Variants in GOSR1 observed in about 807,000 individuals in gnomAD.
GOSR1 encodes golgi SNAP receptor complex member 1, also known as 28 kDa Golgi SNARE protein.
GOSR1 carries 21 observed loss-of-function variants against 35.5 expected under a neutral mutation model. The observed-to-expected ratio is 0.59, with a 90% CI of 0.42 to 0.85. GOSR1 has a LOEUF of 0.85. GOSR1 is among the 40% of genes least tolerant of loss of function. GOSR1 has a pLI of 0.00. For missense variants in GOSR1, 285 were observed against 309.6 expected (o/e 0.92, Z 0.60); for synonymous variants, 94 against 106.6 (o/e 0.88, Z 0.73).
rs752803454 is a variant in GOSR1, at chr17:30,492,790, A to T, written c.509+37A>T. ...ATGTATGTGCATTATGTGGTTTTCC[A>T]CGTTTATTAATTCATTTACTTATGT... On this transcript the variant is annotated intron_variant, in intron 6 of 8. Coordinates refer to ENST00000451249, the MANE Select transcript of GOSR1 (RefSeq NM_001007025.2). 1.3e-5 allele frequency: 15 copies of T among 1,185,680 alleles called. No homozygotes were observed. In the East Asian group the frequency reaches 3.5e-4, roughly 28 times the overall value. 73.4% of individuals were successfully genotyped at this position (1,185,680 alleles called of 1,614,324 possible).
chr17:30,519,336 C>G (rs1339773714), intron 7 of GOSR1, among the ~76,000 whole-genome samples: 1 of 152,166 alleles, frequency 6.6e-6, no homozygotes, highest in East Asian at 1.9e-4. Flanking sequence ...GGATTACAGA[C>G]GTGAGCCACC....
chr17:30,516,246 G>A (rs896402983), intron 7 of GOSR1, among the ~76,000 whole-genome samples: 38 of 152,172 alleles, frequency 2.5e-4, no homozygotes, highest in African/African-American at 8.4e-4. Context: ...TGAGGCGGGC[G>A]GATCACGAGG....
intron 5 of GOSR1, among the ~76,000 whole-genome samples, chr17:30,491,296 G>A (rs1311834386): frequency 6.6e-6 from 1 of 152,150 alleles, no homozygotes; most frequent in East Asian, 1.9e-4. Flanking sequence ...GGCCATAAAA[G>A]ATATGTTCAT....
chr17:30,509,535 G>A (rs1320664757), intron 6 of GOSR1, among the ~76,000 whole-genome samples: 2 of 152,232 alleles, frequency 1.3e-5, no homozygotes, highest in Non-Finnish European at 2.9e-5. Flanking sequence ...TTGGAAATAA[G>A]TAGTTGGAAA....
At chr17:30,522,004 T>C (rs1567920335) in intron 8 of GOSR1, among the ~76,000 whole-genome samples, 1 of 152,062 alleles carries the variant, frequency 6.6e-6, no homozygotes, top group South Asian at 2.1e-4. Context: ...TTCTTCTCCC[T>C]CTCTCTCTAT....
At chr17:30,502,490 A>G (rs1967247102) in intron 6 of GOSR1, among the ~76,000 whole-genome samples, 2 of 152,202 alleles carry the variant, frequency 1.3e-5, no homozygotes, top group Non-Finnish European at 2.9e-5. Flanking sequence ...CAATAATTCT[A>G]TTCATTTTTT....
chr17:30,508,597 A>G (rs1280843679), intron 6 of GOSR1, among the ~76,000 whole-genome samples: 1 of 152,186 alleles, frequency 6.6e-6, no homozygotes, highest in Non-Finnish European at 1.5e-5. Context: ...GGGTGCTTCT[A>G]TACATGTTTG....
chr17:30,515,294 A>ATTTTTT (rs35911853), intron 7 of GOSR1, among the ~76,000 whole-genome samples: 4 of 139,524 alleles, frequency 2.9e-5, no homozygotes, highest in Non-Finnish European at 3.1e-5. Flanking sequence ...TGCCCAGCTA[A>ATTTTTT]TTTTTTTTTT....
intron 5 of GOSR1, 32 bp from the exon 6 acceptor site, chr17:30,492,647 A>G: frequency 7.6e-7 from 1 of 1,324,362 alleles, no homozygotes; most frequent in Non-Finnish European, 1.1e-6. Flanking sequence ...TTCTCTGCCA[A>G]AAATGTTTTT....
At chr17:30,496,440 A>G (rs558019909) in intron 6 of GOSR1, among the ~76,000 whole-genome samples, 1 of 152,200 alleles carries the variant, frequency 6.6e-6, no homozygotes, top group Admixed American at 6.5e-5. Context: ...CTTTCCTTGA[A>G]ACCCTAGGCT....
intron 7 of GOSR1, among the ~76,000 whole-genome samples, chr17:30,514,004 T>C (rs1331943457): frequency 1.3e-5 from 2 of 152,256 alleles, no homozygotes; most frequent in Admixed American, 6.5e-5. Flanking sequence ...TGAAAGCTGT[T>C]ACTTTATACA....
intron 4 of GOSR1, among the ~76,000 whole-genome samples, chr17:30,489,554 A>G (rs951351430): frequency 3.3e-5 from 5 of 152,184 alleles, no homozygotes; most frequent in Admixed American, 1.3e-4. Flanking sequence ...TAAAAGGTCA[A>G]CAGGGACTCT....
intron 4 of GOSR1, among the ~76,000 whole-genome samples, chr17:30,486,903 G>A (rs966788660): frequency 6.6e-6 from 1 of 152,178 alleles, no homozygotes; most frequent in Non-Finnish European, 1.5e-5. Context: ...CATCCCAGTG[G>A]AAACAGCAGG....
intron 7 of GOSR1, among the ~76,000 whole-genome samples, chr17:30,516,473 CAAAA>C (rs1445420438): frequency 7.3e-6 from 1 of 136,712 alleles, no homozygotes; most frequent in Non-Finnish European, 1.6e-5. Context: ...CCGTCTCAAA[CAAAA>C]AAAAAGAAAA....
chr17:30,499,892 GT>G (rs1967141124), intron 6 of GOSR1, among the ~76,000 whole-genome samples: 1 of 152,208 alleles, frequency 6.6e-6, no homozygotes, highest in Non-Finnish European at 1.5e-5. Flanking sequence ...GACTGGTGAT[GT>G]TAAGCCTTCC....
intron 4 of GOSR1, among the ~76,000 whole-genome samples, chr17:30,488,153 C>T (rs1597764749): frequency 1.5e-5 from 2 of 137,670 alleles, no homozygotes; most frequent in African/African-American, 2.8e-5. Flanking sequence ...GACATTTACT[C>T]TTTAAATATA....
At chr17:30,486,019 TA>T (rs753646179) in intron 4 of GOSR1, among the ~76,000 whole-genome samples, 1,738 of 76,162 alleles carry the variant, frequency 0.023, 24 homozygotes, top group Middle Eastern at 0.07. Context: ...AGACTCCATC[TA>T]AAAAAAAAAA....
intron 6 of GOSR1, among the ~76,000 whole-genome samples, chr17:30,494,900 G>T (rs1413667767): frequency 6.7e-6 from 1 of 149,762 alleles, no homozygotes; most frequent in Non-Finnish European, 1.5e-5. Flanking sequence ...GAGGCAATGT[G>T]CCCAGACTTT....
intron 7 of GOSR1, among the ~76,000 whole-genome samples, chr17:30,518,243 C>A (rs577398687): frequency 2.0e-5 from 3 of 152,136 alleles, no homozygotes; most frequent in Non-Finnish European, 4.4e-5. Context: ...CTGGTTCTCT[C>A]TTCACTTCAG....
Sources: allele counts gnomAD v4.1 joint callset (sites outside exome capture counted in the v4.1 genomes callset), GRCh38; gene constraint gnomAD v4.1.1; transcripts MANE v1.5; gene names NCBI Gene and HGNC (gene_info 2026-07-23, HGNC 2026-07-21).